The following CNTNAP5 variants were observed in gnomAD, a reference collection of about 807,000 sequenced individuals.
The protein encoded by CNTNAP5 is contactin-associated protein-like 5.
A neutral mutation model predicts 150.2 loss-of-function variants in CNTNAP5; 72 were observed. The observed-to-expected ratio is 0.48, with a 90% CI of 0.40 to 0.58. The LOEUF (loss-of-function observed/expected upper bound fraction) is 0.58. Ranked by LOEUF, CNTNAP5 falls within the 20% of genes least tolerant of loss-of-function variation. The probability of loss-of-function intolerance (pLI) is 0.00; values close to 1 mark genes in which losing one functional copy is unlikely to be tolerated. For synonymous variants in CNTNAP5, 672 were observed against 619.8 expected (o/e 1.08, Z -1.25); for missense variants, 1,636 against 1,626.2 (o/e 1.01, Z -0.10).
At chr2:124,193,870 C>T (rs1284680294) in intron 1 of CNTNAP5, among the ~76,000 whole-genome samples, 1 of 152,032 alleles carries the variant, frequency 6.6e-6, no homozygotes, top group East Asian at 1.9e-4. Context: ...GAGACAGAGA[C>T]AGGAAGTACA....
chr2:124,609,094 C>T (rs1170599083), intron 11 of CNTNAP5, among the ~76,000 whole-genome samples: 5 of 152,108 alleles, frequency 3.3e-5, no homozygotes, highest in Admixed American at 1.3e-4. Flanking sequence ...TCAAATGACA[C>T]GTGACCACTA....
At chr2:124,137,218 G>A (rs1452244360) in intron 1 of CNTNAP5, among the ~76,000 whole-genome samples, 1 of 151,906 alleles carries the variant, frequency 6.6e-6, no homozygotes, top group Non-Finnish European at 1.5e-5. Flanking sequence ...GTGTGAGGGA[G>A]TCAATTTGTG....
intron 5 of CNTNAP5, among the ~76,000 whole-genome samples, chr2:124,444,223 C>G (rs1375856770): frequency 1.3e-5 from 2 of 152,030 alleles, no homozygotes. Flanking sequence ...CCCCATCTAT[C>G]CAGATTATGG....
chr2:124,668,026 C>T (rs1678736274), intron 13 of CNTNAP5, among the ~76,000 whole-genome samples: 1 of 152,144 alleles, frequency 6.6e-6, no homozygotes, highest in African/African-American at 2.4e-5. Context: ...TTCCTTTCAT[C>T]CTGGAATGGA....
At position 124,035,910 on chromosome 2, in the gene CNTNAP5, C is replaced by CTTTTTTTT. The variant is rs759598012; in HGVS notation, c.82+10196_82+10203dup. On this transcript the variant is annotated intron_variant, in intron 1 of 23. Transcript: ENST00000682447. ...GTTGCTGCATTTCCCAGGATGAACT[C>CTTTTTTTT]TTTTTTTTTTTTTTTTTTTTTTTTT... Among the ~76,000 whole-genome samples, 30 of 76,534 alleles carry CTTTTTTTT rather than the reference C, an allele frequency of 3.9e-4. 2 individuals are homozygous for CTTTTTTTT. Among genetic ancestry groups the CTTTTTTTT allele is most frequent in the South Asian group, 2.0e-3 (3 of 1,470 alleles). The allele number at this position is 76,534 out of a possible 152,430, so 50.2% of individuals were successfully genotyped here.
intron 1 of CNTNAP5, among the ~76,000 whole-genome samples, chr2:124,128,126 C>T (rs1294512025): frequency 6.6e-6 from 1 of 152,044 alleles, no homozygotes; most frequent in African/African-American, 2.4e-5. Context: ...AACAGGCAAC[C>T]TACAGAATGG....
intron 3 of CNTNAP5, among the ~76,000 whole-genome samples, chr2:124,410,083 A>G (rs3097575): frequency 6.6e-6 from 1 of 151,894 alleles, no homozygotes; most frequent in African/African-American, 2.4e-5. Flanking sequence ...TTGCCATCCT[A>G]GTCTCTGATA....
At chr2:124,279,011 G>T (rs1404539709) in intron 3 of CNTNAP5, among the ~76,000 whole-genome samples, 1 of 152,100 alleles carries the variant, frequency 6.6e-6, no homozygotes, top group Non-Finnish European at 1.5e-5. Context: ...GTCAACAGGA[G>T]ACCTGAACAA....
intron 21 of CNTNAP5, among the ~76,000 whole-genome samples, chr2:124,899,665 G>A (rs367854828): frequency 4.0e-5 from 6 of 151,470 alleles, no homozygotes; most frequent in African/African-American, 1.5e-4. Context: ...GTATTTTTCA[G>A]TGGTGTCGCC....
intron 2 of CNTNAP5, among the ~76,000 whole-genome samples, chr2:124,236,799 T>TA (rs373530257): frequency 5.9e-4 from 87 of 147,566 alleles, no homozygotes; most frequent in Middle Eastern, 7.1e-3. Flanking sequence ...TTTTAGGCTT[T>TA]AAAAAAAAAA....
chr2:124,880,422 C>T (rs1000908916), intron 21 of CNTNAP5, among the ~76,000 whole-genome samples: 20 of 152,090 alleles, frequency 1.3e-4, no homozygotes, highest in Admixed American at 7.2e-4. Context: ...CCCTTAAAAT[C>T]AACTGCTGCC....
At chr2:124,088,699 A>G (rs1209536399) in intron 1 of CNTNAP5, among the ~76,000 whole-genome samples, 2 of 152,042 alleles carry the variant, frequency 1.3e-5, no homozygotes, top group African/African-American at 4.8e-5. Flanking sequence ...TGGGTTCCTC[A>G]TTACTGCCAA....
At chr2:124,684,682 A>C (rs1250816230) in intron 13 of CNTNAP5, among the ~76,000 whole-genome samples, 1 of 152,208 alleles carries the variant, frequency 6.6e-6, no homozygotes, top group Non-Finnish European at 1.5e-5. Flanking sequence ...TGTGATGATT[A>C]AGCGAGAAAA....
intron 5 of CNTNAP5, among the ~76,000 whole-genome samples, chr2:124,437,122 A>C (rs1692551265): frequency 6.6e-6 from 1 of 152,200 alleles, no homozygotes; most frequent in Non-Finnish European, 1.5e-5. Flanking sequence ...ACACCAGGAT[A>C]ACACCTTGTT....
At chr2:124,861,645 GGAAGAA>G (rs138124999) in intron 19 of CNTNAP5, among the ~76,000 whole-genome samples, 1 of 151,440 alleles carries the variant, frequency 6.6e-6, no homozygotes, top group South Asian at 2.1e-4. Context: ...CTGAATACGG[GGAAGAA>G]GAAGAAGAAG....
intron 6 of CNTNAP5, 26 bp from the exon 7 acceptor site, chr2:124,474,713 G>A: frequency 2.0e-6 from 3 of 1,520,590 alleles, no homozygotes. Flanking sequence ...AAAACTAAGA[G>A]TTTGTTTCTA....
intron 12 of CNTNAP5, among the ~76,000 whole-genome samples, chr2:124,631,678 G>T (rs1415964477): frequency 3.3e-5 from 5 of 151,982 alleles, no homozygotes; most frequent in African/African-American, 1.2e-4. Flanking sequence ...ACTTTATGAT[G>T]AAATTGCCAA....
intron 18 of CNTNAP5, among the ~76,000 whole-genome samples, chr2:124,794,439 T>C (rs1681801658): frequency 6.6e-6 from 1 of 152,226 alleles, no homozygotes; most frequent in African/African-American, 2.4e-5. Flanking sequence ...ATGCTGACTC[T>C]TCTTATTGAT....
rs775220057 is a variant in CNTNAP5 at position 124,707,039 on chromosome 2, AAGGAGG to A, written c.2078-40172_2078-40167del. 3.7e-4 allele frequency among the ~76,000 whole-genome samples: 30 copies of A among 82,006 alleles called. 4 individuals are homozygous for A. The highest frequency in any genetic ancestry group is 1.2e-3 in the South Asian group (2 of 1,646). 53.8% of individuals were successfully genotyped at this position (82,006 alleles called of 152,430 possible). A position where few individuals can be genotyped will look rare whatever the true frequency, so the allele number is the denominator to read the frequency against. On this transcript the variant is annotated intron_variant, in intron 13 of 23. Transcript: ENST00000682447. The stretch of plus-strand genomic sequence containing the variant: ...GGAGGAGAAGAAGAAGAAGAAGAAG[AAGGAGG>A]AGGAGGAGGAGGAGGAGAGGAAGAG...
Sources: gnomAD v4.1 joint callset for allele counts (sites outside exome capture counted in the v4.1 genomes callset) on GRCh38, gnomAD v4.1.1 for gene constraint, MANE v1.5 for transcripts, NCBI Gene and HGNC (gene_info 2026-07-23, HGNC 2026-07-21) for gene names.